MRPS35: variants seen among roughly 807,000 people sequenced by gnomAD.
MRPS35 encodes small ribosomal subunit protein mS35.
A neutral mutation model predicts 32.7 loss-of-function variants in MRPS35; 29 were observed. The ratio of observed to expected loss-of-function variants is 0.89; its 90% CI spans 0.66 to 1.21. The LOEUF is 1.21. MRPS35 is among the 50% of genes most tolerant of loss of function. The pLI is 0.00. For missense variants in MRPS35, 373 were observed against 383.8 expected (o/e 0.97, Z 0.23); for synonymous variants, 148 against 139.3 (o/e 1.06, Z -0.44).
chr12:27,739,614 C>G (rs2061955665), intron 7 of MRPS35, among the ~76,000 whole-genome samples: 1 of 152,204 alleles, frequency 6.6e-6, no homozygotes. Flanking sequence ...AGCAGTTAAT[C>G]TCTTTCCTAC....
At chr12:27,719,585 G>T (rs1207033531) in intron 3 of MRPS35, among the ~76,000 whole-genome samples, 3 of 150,906 alleles carry the variant, frequency 2.0e-5, no homozygotes, top group Non-Finnish European at 4.4e-5. Context: ...AGAATGGCGT[G>T]AACCCGGGAA....
At chr12:27,750,661 A>G (rs916221650) in intron 7 of MRPS35, among the ~76,000 whole-genome samples, 9 of 152,084 alleles carry the variant, frequency 5.9e-5, no homozygotes, top group African/African-American at 2.2e-4. Context: ...AAACATTAGC[A>G]GGGCATGGTG....
intron 4 of MRPS35, among the ~76,000 whole-genome samples, chr12:27,723,463 T>C (rs2061885530): frequency 6.6e-6 from 1 of 152,176 alleles, no homozygotes; most frequent in Non-Finnish European, 1.5e-5. Context: ...CATTGGCACA[T>C]AGAAGTCACA....
intron 1 of MRPS35, among the ~76,000 whole-genome samples, chr12:27,711,442 G>A (rs2061822989): frequency 6.6e-6 from 1 of 152,190 alleles, no homozygotes; most frequent in South Asian, 2.1e-4. Context: ...GCTTGATAGC[G>A]TGCTTACCCC....
At chr12:27,719,407 CTGTAAT>C (rs2061863870) in intron 3 of MRPS35, among the ~76,000 whole-genome samples, 1 of 152,174 alleles carries the variant, frequency 6.6e-6, no homozygotes, top group Non-Finnish European at 1.5e-5. Context: ...TGGCTCACGC[CTGTAAT>C]CCCAGCACTT....
intron 7 of MRPS35, among the ~76,000 whole-genome samples, chr12:27,752,673 A>G (rs2062010502): frequency 6.6e-6 from 1 of 152,252 alleles, no homozygotes; most frequent in Non-Finnish European, 1.5e-5. Flanking sequence ...AAACATTTCT[A>G]AGAGTAGATA....
At chr12:27,719,894 T>C (rs1029452597) in intron 4 of MRPS35, 26 bp downstream of exon 4, 6 of 1,468,466 alleles carry the variant, frequency 4.1e-6, no homozygotes, top group Non-Finnish European at 5.7e-6. Flanking sequence ...CTTATATGAA[T>C]TTTATATTGA....
At chr12:27,716,075 A>C (rs2061849072) in intron 2 of MRPS35, among the ~76,000 whole-genome samples, 1 of 152,222 alleles carries the variant, frequency 6.6e-6, no homozygotes, top group Non-Finnish European at 1.5e-5. Flanking sequence ...GATCCTTGCC[A>C]GAGGGTTTGA....
chr12:27,713,021 G>GA (rs899538848), intron 1 of MRPS35, among the ~76,000 whole-genome samples: 2 of 152,012 alleles, frequency 1.3e-5, no homozygotes, highest in African/African-American at 4.8e-5. Context: ...TATCTCAAAA[G>GA]AAAAAAAGTT....
At chr12:27,712,708 A>G (rs1291842992) in intron 1 of MRPS35, among the ~76,000 whole-genome samples, 1 of 152,236 alleles carries the variant, frequency 6.6e-6, no homozygotes, top group African/African-American at 2.4e-5. Context: ...GAAGACTGGA[A>G]GAAGAAAATC....
intron 5 of MRPS35, among the ~76,000 whole-genome samples, 199 bp from the exon 6 acceptor site, chr12:27,735,248 T>C (rs911336965): frequency 1.3e-5 from 2 of 152,324 alleles, no homozygotes; most frequent in East Asian, 1.9e-4. Flanking sequence ...CTTCAAACAG[T>C]ATGTTGCCTT....
chr12:27,746,600 A>G (rs116973650), intron 7 of MRPS35, among the ~76,000 whole-genome samples: 2,277 of 152,298 alleles, frequency 0.015, 27 homozygotes, highest in Non-Finnish European at 0.024. Context: ...GTGATAGACA[A>G]TAGGCAGTGT....
At chr12:27,740,187 G>GCCTC (rs1253512087) in intron 7 of MRPS35, among the ~76,000 whole-genome samples, 1 of 151,804 alleles carries the variant, frequency 6.6e-6, no homozygotes, top group Non-Finnish European at 1.5e-5. Context: ...CAAATAGAGA[G>GCCTC]CCTCTTTTTA....
Position 27,724,085 on chromosome 12 carries a change from G to A in MRPS35, c.421G>A (p.Glu141Lys), listed in dbSNP as rs763066388. The change falls in exon 5 of 8, where the codon GAG becomes AAG. Residue 141 changes from glutamate to lysine, a missense_variant. Physicochemically the swap from Glu to Lys is moderately conservative, Grantham distance 56. Coordinates refer to ENST00000081029, the MANE Select transcript of MRPS35 (RefSeq NM_021821.4). Reference sequence around the variant, plus strand: ...GTGGCCAGCCGCACTGGACAGTGACGAGAAATGTGAGAAGCATTTTCCAAT... The same window carrying A: ...GTGGCCAGCCGCACTGGACAGTGACAAGAAATGTGAGAAGCATTTTCCAAT... ...TEWPAALDSD[E>K]KCEKHFPIEI... The A allele has an allele frequency of 1.9e-5, 31 of 1,612,258 alleles. No homozygotes were observed. The highest frequency in any genetic ancestry group is 1.3e-4 in the South Asian group (12 of 90,708).
intron 7 of MRPS35, among the ~76,000 whole-genome samples, chr12:27,738,582 G>A (rs1411683073): frequency 6.6e-6 from 1 of 152,086 alleles, no homozygotes. Flanking sequence ...CTCAAAGTTT[G>A]AAACAGTAAT....
Position 27,716,393 on chromosome 12 carries a change from C to G in MRPS35, c.256C>G (p.Arg86Gly), listed in dbSNP as rs769806923. ...ACCCTCTGCAGTACCTCTTCCTGTT[C>G]GAATGGGTTATCCAGTAAAAAAGGG... ...FKPSAVPLPV[R>G]MGYPVKKGVP... Residue 86 changes from arginine to glycine, a missense_variant, in exon 3 of 8, where the codon CGA (arginine) becomes GGA (glycine). Physicochemically the swap from Arg to Gly is moderately radical, Grantham distance 125 (BLOSUM62 -2). Coordinates refer to ENST00000081029, the MANE Select transcript of MRPS35 (RefSeq NM_021821.4). 6.2e-7 allele frequency: 1 copy of G among 1,614,084 alleles called. No homozygotes were observed. The highest frequency in any genetic ancestry group is 1.1e-5 in the South Asian group (1 of 91,076).
intron 2 of MRPS35, among the ~76,000 whole-genome samples, chr12:27,715,918 C>T (rs113978324): frequency 0.016 from 2,410 of 152,220 alleles, 62 homozygotes; most frequent in African/African-American, 0.053. Flanking sequence ...TTAACGCCCC[C>T]TCATGTACTA....
intron 4 of MRPS35, among the ~76,000 whole-genome samples, chr12:27,720,575 G>A (rs534567168): frequency 5.9e-5 from 9 of 151,938 alleles, no homozygotes; most frequent in Admixed American, 2.6e-4. Context: ...CTAGCCTTAT[G>A]TGCTTTCTTT....
At chr12:27,737,495 C>A in intron 6 of MRPS35, 44 bp from the exon 7 acceptor site, 1 of 1,523,538 alleles carries the variant, frequency 6.6e-7, no homozygotes, top group Non-Finnish European at 9.1e-7. Flanking sequence ...TTTCTGTGTA[C>A]TGAGTTTTTA....
Sources: allele counts gnomAD v4.1 joint callset (sites outside exome capture counted in the v4.1 genomes callset), GRCh38; gene constraint gnomAD v4.1.1; transcripts MANE v1.5; gene names NCBI Gene and HGNC (gene_info 2026-07-23, HGNC 2026-07-21).